The following KIF1A variants were observed in gnomAD, a reference collection of about 807,000 sequenced individuals.
KIF1A encodes the protein kinesin-like protein KIF1A.
In KIF1A, 46 loss-of-function variants were observed where a neutral mutation model predicts 227.3. That is an observed-to-expected ratio of 0.20 (90% CI 0.16 to 0.26). The LOEUF (loss-of-function observed/expected upper bound fraction) is 0.26, where lower values mean the gene tolerates loss of function less well. KIF1A is among the 10% of genes least tolerant of loss of function. The probability of loss-of-function intolerance (pLI) is 1.00; values close to 1 mark genes in which losing one functional copy is unlikely to be tolerated. For missense variants in KIF1A, 1,683 were observed against 2,485.9 expected, an observed-to-expected ratio of 0.68 and a Z score of 6.87; for synonymous variants, 1,022 against 1,012.8, an observed-to-expected ratio of 1.01 and a Z score of -0.17.
At chr2:240,723,314 C>A (rs2045627196) in intron 42 of KIF1A, 99 bp downstream of exon 42, 3 of 1,224,566 alleles carry the variant, frequency 2.4e-6, no homozygotes, top group Admixed American at 5.4e-5. Context: ...GTGCTGCCCC[C>A]CAGTAGGCAC....
chr2:240,813,468 C>A (rs1427388797), intron 1 of KIF1A, among the ~76,000 whole-genome samples: 3 of 152,168 alleles, frequency 2.0e-5, no homozygotes, highest in Admixed American at 1.3e-4. Flanking sequence ...AAGCCCGCAC[C>A]CCCAGCCCCG....
chr2:240,766,749 T>TCACACACACACACACACA lies in KIF1A; in HGVS notation c.1684+148_1684+165dup, dbSNP rs55815321. Reference sequence around the variant, plus strand: ...CTCTCTCTCTCTCTCTCTCTCTCTCTCACACACACACACACACACACACAC... The same window carrying TCACACACACACACACACA: ...CTCTCTCTCTCTCTCTCTCTCTCTCTCACACACACACACACACACACACACACACACACACACACACAC... On this transcript the variant is annotated intron_variant, in intron 19 of 48. Transcript: ENST00000498729. The surrounding 1 kb of genome is among the most constrained non-coding windows in gnomAD (Gnocchi z 5.0). Among the ~76,000 whole-genome samples, 7 of 109,012 alleles carry TCACACACACACACACACA rather than the reference T, an allele frequency of 6.4e-5. No individual in the cohort carries two copies. The highest frequency in any genetic ancestry group is 9.2e-5 in the Admixed American group (1 of 10,906). 71.5% of individuals were successfully genotyped at this position (109,012 alleles called of 152,430 possible). A position where few individuals can be genotyped will look rare whatever the true frequency, so the allele number is the denominator to read the frequency against.
In KIF1A at chr2:240,719,177, C is replaced by T. The variant is rs143815273; in HGVS notation, c.5043G>A (p.Gly1681=). The part of the protein sequence containing the change: ...IRVSPIVSKK[G]YLHFLEPHTS... ...TGTGCGGCTCCAGGAAGTGCAGGTA[C>T]CCCTTCTTGGAAACGATCGGGCTGA... Residue 1681 remains glycine (G), a synonymous_variant, in exon 47 of 49, where the codon GGG becomes GGA. Coordinates refer to ENST00000498729, the MANE Select transcript of KIF1A (RefSeq NM_001244008.2). 568 of 1,607,084 alleles carry T rather than the reference C, an allele frequency of 3.5e-4. 2 individuals carry two copies. The African/African-American group carries it at 7.0e-3, about 20-fold the overall frequency.
rs772594685 is a variant in KIF1A, at chr2:240,757,504, C to T, written c.2673G>A (p.Ser891=). The T allele has an allele frequency of 7.1e-6, 11 of 1,550,340 alleles. No individual in the cohort carries two copies. The Admixed American group carries it at 7.8e-5, about 11-fold the overall frequency. The part of the protein sequence containing the change: ...MAALTPSPTF[S]SPDSDATEPA... ...GCTCGGTGGCGTCGGAGTCGGGGCT[C>T]GAGAAGGTGGGGGAGGGGGTGAGAG... The change falls in exon 27 of 49, where the codon TCG becomes TCA. Residue 891 remains serine, a synonymous_variant. Transcript: ENST00000498729. The surrounding 1 kb of genome is among the most constrained non-coding windows in gnomAD (Gnocchi z 6.2).
rs2051309393 is a variant in KIF1A at position 240,767,151 on chromosome 2, T to TG, written c.1577+114dup. ...CCAGCGCAGACATCAGTGGGGTCGC[T>TG]GGGGAAGTCCAAACTCAGTGGCCCC... is the stretch of plus-strand genomic sequence containing the variant. On this transcript the variant is annotated intron_variant, in intron 18 of 48. Coordinates refer to ENST00000498729, the MANE Select transcript of KIF1A (RefSeq NM_001244008.2). 4 of 1,137,790 alleles carry TG rather than the reference T, an allele frequency of 3.5e-6. No homozygotes were observed. The African/African-American group carries it at 4.6e-5, about 13-fold the overall frequency. The allele number at this position is 1,137,790 out of a possible 1,614,324, so 70.5% of individuals were successfully genotyped here.
intron 47 of KIF1A, among the ~76,000 whole-genome samples, chr2:240,718,673 C>T (rs902789572): frequency 5.3e-5 from 8 of 152,244 alleles, no homozygotes; most frequent in Non-Finnish European, 1.2e-4. Flanking sequence ...TCGCCCATTC[C>T]TGCAGGGCTG....
chr2:240,735,948 T>A (rs1386173651), intron 38 of KIF1A, among the ~76,000 whole-genome samples: 1 of 151,810 alleles, frequency 6.6e-6, no homozygotes, highest in Non-Finnish European at 1.5e-5. Flanking sequence ...CAGAGCTGCA[T>A]CCACCCTGCC....
chr2:240,804,728 G>A (rs1428944012), intron 1 of KIF1A, among the ~76,000 whole-genome samples: 2 of 152,116 alleles, frequency 1.3e-5, no homozygotes, highest in African/African-American at 2.4e-5. Context: ...TAAGGCCACA[G>A]GCCTGTCCTC....
In KIF1A at chr2:240,739,786, G is replaced by C. The variant is rs996545337; in HGVS notation, c.3901+272C>G. On this transcript the variant is annotated intron_variant, in intron 37 of 48. Coordinates refer to ENST00000498729, the MANE Select transcript of KIF1A (RefSeq NM_001244008.2). The surrounding 1 kb of genome is among the most constrained non-coding windows in gnomAD (Gnocchi z 5.6). ...CAGAAGTGTGAGATGATAAATGTCTGCTGTTTTAAGCTACCTGGTTTGTGG... is the reference window on the plus strand; with the variant it reads ...CAGAAGTGTGAGATGATAAATGTCTCCTGTTTTAAGCTACCTGGTTTGTGG... Among the ~76,000 whole-genome samples the C allele has an allele frequency of 6.6e-6, 1 of 152,194 alleles. No individual in the cohort carries two copies. The highest frequency in any genetic ancestry group is 2.4e-5 in the African/African-American group (1 of 41,438).
At chr2:240,730,075 G>A (rs1157261726) in intron 38 of KIF1A, among the ~76,000 whole-genome samples, 1 of 152,218 alleles carries the variant, frequency 6.6e-6, no homozygotes, top group African/African-American at 2.4e-5. Context: ...CTCGGGCCAG[G>A]AGGGTCCCTG....
chr2:240,764,543 G>T (rs3821345), intron 20 of KIF1A, among the ~76,000 whole-genome samples: 93,553 of 151,980 alleles, frequency 0.62, 29,402 homozygotes, highest in African/African-American at 0.74. Flanking sequence ...CTTCGGGGGT[G>T]GGCAGATGGG....
intron 27 of KIF1A, among the ~76,000 whole-genome samples, chr2:240,754,774 C>T (rs1246349429): frequency 2.0e-5 from 3 of 152,126 alleles, no homozygotes; most frequent in Non-Finnish European, 4.4e-5. Flanking sequence ...GATCTCGGGC[C>T]GAGAGACGCC....
Position 240,741,319 on chromosome 2 carries a change from C to T in KIF1A, c.3699G>A (p.Lys1233=), listed in dbSNP as rs1303829826. The change falls in exon 35 of 49, where the codon AAG becomes AAA. Residue 1233 remains lysine, a synonymous_variant. Coordinates refer to ENST00000498729, the MANE Select transcript of KIF1A (RefSeq NM_001244008.2). Reference sequence around the variant, plus strand: ...TCTCGAAGTAGACCAGCAGGTCGTACTTGCAGTGGCAGGGTCCCGGACAGG... The same window carrying T: ...TCTCGAAGTAGACCAGCAGGTCGTATTTGCAGTGGCAGGGTCCCGGACAGG... ...TRPCPGPCHC[K]YDLLVYFEIC... 6.2e-7 allele frequency: 1 copy of T among 1,600,604 alleles called. No homozygotes were observed. Among genetic ancestry groups the T allele is most frequent in the South Asian group, 1.1e-5 (1 of 89,052 alleles).
At chr2:240,730,703 C>T (rs2046503939) in intron 38 of KIF1A, among the ~76,000 whole-genome samples, 1 of 152,230 alleles carries the variant, frequency 6.6e-6, no homozygotes, top group Admixed American at 6.5e-5. Context: ...TGTGCTTGAA[C>T]CCCGACCTCA....
chr2:240,759,892 C>A (rs1278005868), intron 25 of KIF1A, among the ~76,000 whole-genome samples: 1 of 152,114 alleles, frequency 6.6e-6, no homozygotes, highest in Non-Finnish European at 1.5e-5. Flanking sequence ...CACTCCATTC[C>A]TGTGGTCCCA....
intron 29 of KIF1A, 105 bp downstream of exon 29, chr2:240,747,131 A>C: frequency 1.4e-6 from 1 of 731,744 alleles, no homozygotes; most frequent in Non-Finnish European, 2.4e-6. Context: ...AAGAGGACTC[A>C]GGGCCCGTGG....
rs34023634 is a variant in KIF1A, at chr2:240,750,231, C to T, written c.2977+198G>A. ...CAGGGCCCACTGCGGGGCAGCAGCC[C>T]GGGGCGCCAGCCCAGGACAGCGTGG... On this transcript the variant is annotated intron_variant, in intron 28 of 48. Coordinates refer to ENST00000498729, the MANE Select transcript of KIF1A (RefSeq NM_001244008.2). Among the ~76,000 whole-genome samples, 21,882 of 152,244 alleles carry T rather than the reference C, an allele frequency of 0.14. 2,072 individuals carry two copies. The highest frequency in any genetic ancestry group is 0.24 in the Middle Eastern group (70 of 294).
intron 2 of KIF1A, among the ~76,000 whole-genome samples, chr2:240,797,066 T>G (rs1304198139): frequency 1.3e-5 from 2 of 152,172 alleles, no homozygotes; most frequent in African/African-American, 4.8e-5. Context: ...GCAGCAGCAG[T>G]TGCAGCTGCA....
chr2:240,740,687 G>A lies in KIF1A; in HGVS notation c.3750-323C>T, dbSNP rs556418875. On this transcript the variant is annotated intron_variant, in intron 35 of 48. Coordinates refer to ENST00000498729, the MANE Select transcript of KIF1A (RefSeq NM_001244008.2). This position sits in a 1 kb window ranked among gnomAD's most constrained non-coding sequence, Gnocchi z 6.1. ...GCTTCCCCTCATGCCCTGCAGATCC[G>A]CAACCCAAGGCCAGAGGATCCAGAG... Among the ~76,000 whole-genome samples, 2 of 152,140 alleles carry A rather than the reference G, an allele frequency of 1.3e-5. No homozygotes were observed. Among genetic ancestry groups the A allele is most frequent in the African/African-American group, 2.4e-5 (1 of 41,486 alleles).
Sources: gnomAD v4.1 joint callset for allele counts (sites outside exome capture counted in the v4.1 genomes callset) on GRCh38, gnomAD v4.1.1 for gene constraint, Gnocchi (gnomAD v3.1) non-coding constraint, MANE v1.5 for transcripts, NCBI Gene and HGNC (gene_info 2026-07-23, HGNC 2026-07-21) for gene names.